The following OR6N1 variants were observed in gnomAD, a reference collection of about 807,000 sequenced individuals.
OR6N1 encodes olfactory receptor family 6 subfamily N member 1.
For synonymous variants in OR6N1, 170 were observed against 150.7 expected (o/e 1.13, Z -0.94); for missense variants, 394 against 371.7 (o/e 1.06, Z -0.49).
At chr1:158,766,815 C>T in intron 1 of OR6N1, 115 bp from the exon 2 acceptor site, 1 of 650,546 alleles carries the variant, frequency 1.5e-6, no homozygotes, top group Non-Finnish European at 2.6e-6. Flanking sequence ...GTAAAGCCCT[C>T]TAAGTAAATG....
chr1:158,831,964 T>C, the OR6N1 span, among the ~76,000 whole-genome samples: 1 of 152,186 alleles, frequency 6.6e-6, no homozygotes, highest in Non-Finnish European at 1.5e-5. Context: ...AAATCTCTAT[T>C]ATATGATTTT....
the OR6N1 span, among the ~76,000 whole-genome samples, chr1:158,831,984 T>C: frequency 2.0e-5 from 3 of 152,166 alleles, no homozygotes; most frequent in South Asian, 6.2e-4. Context: ...TATCTCTATT[T>C]TAAAAAGCAT....
the OR6N1 span, among the ~76,000 whole-genome samples, chr1:158,803,564 C>T: frequency 6.6e-6 from 1 of 152,170 alleles, no homozygotes; most frequent in Non-Finnish European, 1.5e-5. Context: ...TATATCACAT[C>T]ACATTGGTGT....
At chr1:158,823,857 C>A in the OR6N1 span, among the ~76,000 whole-genome samples, 2 of 152,102 alleles carry the variant, frequency 1.3e-5, no homozygotes, top group Admixed American at 6.6e-5. Flanking sequence ...GTGCTATAAA[C>A]TTCCCTTTTA....
chr1:158,765,942 C>G lies in OR6N1; in HGVS notation c.741G>C (p.Val247=), dbSNP rs539560106. 8.5e-5 allele frequency: 137 copies of G among 1,614,128 alleles called. 3 individuals are homozygous for G. The South Asian group carries it at 1.5e-3, about 18-fold the overall frequency. ...GGATGCTCCCATAGAAGATGAGAAC[C>G]ACAGTGAAGTGGGAGGCACACGTGG... is the stretch of plus-strand genomic sequence containing the variant. ...AISTCASHFT[V]VLIFYGSILS... The change falls in exon 2 of 2, where the codon GTG becomes GTC. Residue 247 remains valine, a synonymous_variant. Transcript: ENST00000641846.
At chr1:158,839,646 A>G in the OR6N1 span, among the ~76,000 whole-genome samples, 1 of 152,238 alleles carries the variant, frequency 6.6e-6, no homozygotes, top group African/African-American at 2.4e-5. Context: ...TTCCAAAGGA[A>G]GAATGAGGAA....
At position 158,766,030 on chromosome 1, in the gene OR6N1, TAGG is replaced by T. The variant is rs759886529; in HGVS notation, c.650_652del (p.Ser217del). On this transcript the variant is annotated inframe_deletion, in exon 2 of 2. Transcript: ENST00000641846. ...GAGCACTGTGCAGATGATCTGCACA[TAGG>T]AGCAGAGGATCAGCAGGAAGGTGGC... The T allele has an allele frequency of 1.9e-5, 30 of 1,614,094 alleles. No individual in the cohort carries two copies. Among genetic ancestry groups the T allele is most frequent in the Non-Finnish European group, 2.5e-5 (29 of 1,180,006 alleles).
At chr1:158,804,743 T>A in the OR6N1 span, among the ~76,000 whole-genome samples, 12 of 152,144 alleles carry the variant, frequency 7.9e-5, no homozygotes, top group Admixed American at 5.2e-4. Context: ...AGGAAAAAAA[T>A]GATATGAAAT....
At chr1:158,770,697 T>C (rs145954870) in intron 1 of OR6N1, among the ~76,000 whole-genome samples, 1 of 152,196 alleles carries the variant, frequency 6.6e-6, no homozygotes, top group South Asian at 2.1e-4. Flanking sequence ...AATAGAAGGA[T>C]AAATCATGTG....
In OR6N1 at chr1:158,765,628, G is replaced by C. The variant is rs1227438361; in HGVS notation, c.*116C>G. ...TGGAAGTCAGTCAGCACTTGCTGCAGCTCCACCACCCCACATAGAAAAGCA... is the reference window on the plus strand; with the variant it reads ...TGGAAGTCAGTCAGCACTTGCTGCACCTCCACCACCCCACATAGAAAAGCA... On this transcript the variant is annotated 3_prime_UTR_variant, in exon 2 of 2. Transcript: ENST00000641846. 1.2e-6 allele frequency: 1 copy of C among 838,424 alleles called. No homozygotes were observed. The highest frequency in any genetic ancestry group is 1.7e-5 in the African/African-American group (1 of 58,948). 51.9% of individuals were successfully genotyped at this position (838,424 alleles called of 1,614,324 possible).
chr1:158,833,719 A>C, the OR6N1 span, among the ~76,000 whole-genome samples: 1 of 152,206 alleles, frequency 6.6e-6, no homozygotes, highest in South Asian at 2.1e-4. Flanking sequence ...TAAAATACGT[A>C]AGAAACCATA....
chr1:158,795,955 C>T, the OR6N1 span: 1 of 152,202 alleles, frequency 6.6e-6, no homozygotes, highest in Admixed American at 6.5e-5. Context: ...TTTTGTCTTT[C>T]TAAGTGGTAG....
At chr1:158,830,467 C>G in the OR6N1 span, among the ~76,000 whole-genome samples, 6 of 152,276 alleles carry the variant, frequency 3.9e-5, no homozygotes, top group African/African-American at 1.4e-4. Flanking sequence ...TTTTGGGATC[C>G]TTTTCCAGTC....
At chr1:158,809,339 T>TC in the OR6N1 span, 12 of 152,700 alleles carry the variant, frequency 7.9e-5, no homozygotes, top group Non-Finnish European at 1.6e-4. Flanking sequence ...GATCCATGAT[T>TC]CCTAGGAACA....
rs755098269 is a variant in OR6N1, at chr1:158,765,987, G to A, written c.696C>T (p.Ala232=). The change falls in exon 2 of 2, where the codon GCC becomes GCT. Residue 232 remains alanine (A), a synonymous_variant. Coordinates refer to ENST00000641846, the MANE Select transcript of OR6N1 (RefSeq NM_001005185.2). ...ACGTGGAGATGGCCTTCCTCTTGCCGGCAGCTGAGGGAATTCTGAGCACTG... is the reference window on the plus strand; with the variant it reads ...ACGTGGAGATGGCCTTCCTCTTGCCAGCAGCTGAGGGAATTCTGAGCACTG... ...ICTVLRIPSA[A]GKRKAISTCA... The A allele has an allele frequency of 3.4e-5, 55 of 1,614,008 alleles. No individual in the cohort carries two copies. The highest frequency in any genetic ancestry group is 6.7e-5 in the African/African-American group (5 of 74,916).
chr1:158,835,048 C>A, the OR6N1 span, among the ~76,000 whole-genome samples: 1 of 152,168 alleles, frequency 6.6e-6, no homozygotes, highest in South Asian at 2.1e-4. Flanking sequence ...AGCAGGAAGT[C>A]TGAAACCTCC....
the OR6N1 span, among the ~76,000 whole-genome samples, chr1:158,793,179 G>GTT: frequency 6.8e-6 from 1 of 147,292 alleles, no homozygotes; most frequent in Non-Finnish European, 1.5e-5. Flanking sequence ...ATATCCTGAA[G>GTT]TTTTTTTTTT....
At chr1:158,828,823 G>T in the OR6N1 span, among the ~76,000 whole-genome samples, 665 of 152,304 alleles carry the variant, frequency 4.4e-3, 3 homozygotes, top group African/African-American at 0.015. Context: ...GCAAACTTCT[G>T]CCTGGGCATC....
intron 1 of OR6N1, among the ~76,000 whole-genome samples, chr1:158,770,252 T>A (rs1424834557): frequency 6.6e-6 from 1 of 152,178 alleles, no homozygotes; most frequent in Non-Finnish European, 1.5e-5. Flanking sequence ...ATACATTGTA[T>A]CATCACTCAT....
Sources: allele counts gnomAD v4.1 joint callset (sites outside exome capture counted in the v4.1 genomes callset), GRCh38; gene constraint gnomAD v4.1.1; transcripts MANE v1.5; gene names NCBI Gene and HGNC (gene_info 2026-07-23, HGNC 2026-07-21).